Variants in RCOR2 observed in about 807,000 individuals in gnomAD.
The protein encoded by RCOR2 is REST corepressor 2.
Under a neutral mutation model 58.9 loss-of-function variants are expected in RCOR2, and 19 were observed. That is an observed-to-expected ratio of 0.32 (90% CI 0.23 to 0.47). The LOEUF is 0.47. Ranked by LOEUF, RCOR2 falls within the 20% of genes least tolerant of loss-of-function variation. The pLI is 1.00. For missense variants in RCOR2, 590 were observed against 707.9 expected (o/e 0.83, Z 1.89); for synonymous variants, 286 against 278.7 (o/e 1.03, Z -0.26).
rs1941853815 is a variant in RCOR2 at position 63,916,244 on chromosome 11, G to C, written c.127+86C>G. The C allele has an allele frequency of 1.1e-5, 13 of 1,215,510 alleles. No homozygotes were observed. In the East Asian group the frequency reaches 3.3e-4, roughly 31 times the overall value. 75.3% of individuals were successfully genotyped at this position (1,215,510 alleles called of 1,614,324 possible). A position where few individuals can be genotyped will look rare whatever the true frequency, so the allele number is the denominator to read the frequency against. ...GAGGCAGGAGCCATCAGTGTAACAG[G>C]CTCGTGGTCTGCAACTCTTCCCCCT... On this transcript the variant is annotated intron_variant, in intron 1 of 11. Coordinates refer to ENST00000301459, the MANE Select transcript of RCOR2 (RefSeq NM_173587.4).
upstream of RCOR2, among the ~76,000 whole-genome samples, chr11:63,918,975 GCCT>G (rs1941897774): frequency 6.6e-6 from 1 of 152,120 alleles, no homozygotes; most frequent in Admixed American, 6.5e-5. Context: ...CCTCTTCCCC[GCCT>G]CCTAAGAACC....
At chr11:63,925,605 A>G in the RCOR2 span, among the ~76,000 whole-genome samples, 1 of 151,256 alleles carries the variant, frequency 6.6e-6, no homozygotes, top group African/African-American at 2.4e-5. Flanking sequence ...ATCGCTTGAA[A>G]CTAGGAGTTC....
chr11:63,913,941 C>T lies in RCOR2; in HGVS notation c.891+13G>A. ...CCACCTTTGCATAGCCCGTTCATTT[C>T]CCAGGGCCCCACCTGGCGCTTGAGG... On this transcript the variant is annotated intron_variant, in intron 8 of 11. Coordinates refer to ENST00000301459, the MANE Select transcript of RCOR2 (RefSeq NM_173587.4). The T allele has an allele frequency of 6.2e-7, 1 of 1,612,830 alleles. No individual in the cohort carries two copies. The highest frequency in any genetic ancestry group is 8.5e-7 in the Non-Finnish European group (1 of 1,179,416).
Position 63,916,385 on chromosome 11 carries a change from G to A in RCOR2, c.72C>T (p.Pro24=), listed in dbSNP as rs772186664. The change falls in exon 1 of 12, where the codon CCC becomes CCT. Residue 24 remains proline, a synonymous_variant. Transcript: ENST00000301459. ...CCTCCGAGTGGGGCTGTCCGCCGTT[G>A]GGCACCGTCTTGGCCCGGCTACGGG... ...ILSRSRAKTV[P]NGGQPHSEDD... 1.3e-5 allele frequency: 21 copies of A among 1,607,578 alleles called. No individual in the cohort carries two copies. The African/African-American group carries it at 2.7e-4, about 20-fold the overall frequency.
At chr11:63,913,818 A>G (rs574767584) in intron 8 of RCOR2, 136 bp downstream of exon 8, 11 of 845,572 alleles carry the variant, frequency 1.3e-5, no homozygotes, top group East Asian at 1.2e-4. Context: ...CAAAAAGAAC[A>G]CCACATTACT....
the RCOR2 span, among the ~76,000 whole-genome samples, chr11:63,926,458 C>T: frequency 6.6e-6 from 1 of 150,668 alleles, no homozygotes; most frequent in Non-Finnish European, 1.5e-5. Flanking sequence ...GAAGCTCCTC[C>T]TTTCCTTGCT....
In RCOR2 at chr11:63,912,713, G is replaced by A; in HGVS notation, c.990C>T (p.Ser330=). 2.5e-6 allele frequency: 4 copies of A among 1,614,068 alleles called. No individual in the cohort carries two copies. Among genetic ancestry groups the A allele is most frequent in the Non-Finnish European group, 3.4e-6 (4 of 1,180,002 alleles). ...AAAGCTGCTCATCTGTGGTCCAGCG[G>A]GAGTTGAACTTGGTGTTGGCCTGGA... ...RPPEANTKFN[S]RWTTDEQLLA... Residue 330 remains serine (S), a synonymous_variant, in exon 10 of 12, where the codon TCC becomes TCT. Coordinates refer to ENST00000301459, the MANE Select transcript of RCOR2 (RefSeq NM_173587.4).
At chr11:63,915,756 T>C (rs1341136980) in intron 1 of RCOR2, 145 bp from the exon 2 acceptor site, 4 of 714,634 alleles carry the variant, frequency 5.6e-6, no homozygotes, top group Non-Finnish European at 9.9e-6. Context: ...TTTTCCCTCA[T>C]TGTACCCCAG....
Position 63,911,717 on chromosome 11 carries a change from A to C in RCOR2, c.*148T>G. The C allele has an allele frequency of 7.9e-7, 1 of 1,273,270 alleles. No individual in the cohort carries two copies. The highest frequency in any genetic ancestry group is 1.0e-6 in the Non-Finnish European group (1 of 989,524). The allele number at this position is 1,273,270 out of a possible 1,614,324, so 78.9% of individuals were successfully genotyped here. A position where few individuals can be genotyped will look rare whatever the true frequency, so the allele number is the denominator to read the frequency against. On this transcript the variant is annotated 3_prime_UTR_variant, in exon 12 of 12. Coordinates refer to ENST00000301459, the MANE Select transcript of RCOR2 (RefSeq NM_173587.4). Reference sequence around the variant, plus strand: ...GCTGCCAGGAACACATGCAGAACCCAAAGGGCGGGGCTGGGCTGTCCGAAA... The same window carrying C: ...GCTGCCAGGAACACATGCAGAACCCCAAGGGCGGGGCTGGGCTGTCCGAAA...
chr11:63,917,574 C>T (rs1941878817), upstream of RCOR2, among the ~76,000 whole-genome samples: 3 of 152,136 alleles, frequency 2.0e-5, no homozygotes, highest in Admixed American at 2.0e-4. Flanking sequence ...GAACTCCCCG[C>T]CCCCCCTTCC....
In RCOR2 at chr11:63,914,305, C is replaced by T. The variant is rs1358556288; in HGVS notation, c.631G>A (p.Gly211Ser). The T allele has an allele frequency of 6.2e-7, 1 of 1,613,496 alleles. No individual in the cohort carries two copies. The highest frequency in any genetic ancestry group is 8.5e-7 in the Non-Finnish European group (1 of 1,180,012). ...GGATCGGGCTCTCCCTCACTCACGC[C>T]TCCTCGACCCTCTTCGAGCTCATCA... is the stretch of plus-strand genomic sequence containing the variant. The part of the protein sequence containing the change: ...DSDELEEGRG[G>S]VSEGEPDPAD... Residue 211 changes from glycine to serine, a missense_variant, in exon 7 of 12, where the codon GGC becomes AGC. Gly to Ser is a moderately conservative substitution (Grantham distance 56). Around this residue, in one of 3 missense-constraint regions of RCOR2, gnomAD observed 390 missense variants for 478.7 expected, o/e 0.81. Coordinates refer to ENST00000301459, the MANE Select transcript of RCOR2 (RefSeq NM_173587.4).
At position 63,912,882 on chromosome 11, in the gene RCOR2, T is replaced by C; in HGVS notation, c.957A>G (p.Leu319=). The C allele has an allele frequency of 1.2e-6, 2 of 1,613,656 alleles. No individual in the cohort carries two copies. The highest frequency in any genetic ancestry group is 1.1e-5 in the South Asian group (1 of 91,050). Residue 319 remains leucine (L), a synonymous_variant, in exon 9 of 12, where the codon CTA becomes CTG. Transcript: ENST00000301459. ...RQALEGGIDP[L]RPPEANTKFN... ...AGAGCAGCCATACCTCCGGGGGGCG[T>C]AGTGGATCAATACCGCCCTCCAGGG...
At chr11:63,927,576 C>T in the RCOR2 span, among the ~76,000 whole-genome samples, 11 of 152,136 alleles carry the variant, frequency 7.2e-5, no homozygotes, top group Non-Finnish European at 1.6e-4. Flanking sequence ...ACCCCACATA[C>T]CTTTTTATCA....
At chr11:63,923,800 G>C in the RCOR2 span, among the ~76,000 whole-genome samples, 1 of 152,150 alleles carries the variant, frequency 6.6e-6, no homozygotes, top group African/African-American at 2.4e-5. Flanking sequence ...TTGCCTTCTG[G>C]ACTCAGCATC....
At chr11:63,923,150 C>G in the RCOR2 span, among the ~76,000 whole-genome samples, 1 of 152,040 alleles carries the variant, frequency 6.6e-6, no homozygotes, top group Non-Finnish European at 1.5e-5. Flanking sequence ...GCCAACCTCA[C>G]TCCCAGGCTT....
chr11:63,921,744 GC>G (rs35463955), upstream of RCOR2, among the ~76,000 whole-genome samples: 1 of 152,184 alleles, frequency 6.6e-6, no homozygotes, highest in African/African-American at 2.4e-5. Context: ...CCCCAGCAGG[GC>G]CCCCTCTGCC....
chr11:63,924,145 T>C, the RCOR2 span, among the ~76,000 whole-genome samples: 1 of 152,168 alleles, frequency 6.6e-6, no homozygotes, highest in Non-Finnish European at 1.5e-5. Flanking sequence ...CAACCTCTGG[T>C]GATGTGCCCA....
chr11:63,912,629 G>T, intron 10 of RCOR2, 47 bp downstream of exon 10: 1 of 1,604,296 alleles, frequency 6.2e-7, no homozygotes, highest in Non-Finnish European at 8.5e-7. Context: ...TGGAGGGTGG[G>T]GAGATAGATT....
chr11:63,912,156 C>A lies in RCOR2; in HGVS notation c.1281G>T (p.Thr427=). 1 of 1,542,776 alleles carries A rather than the reference C, an allele frequency of 6.5e-7. No individual in the cohort carries two copies. The highest frequency in any genetic ancestry group is 1.2e-5 in the South Asian group (1 of 84,198). The stretch of plus-strand genomic sequence containing the variant: ...CAGGGGGCACTGATCGGGGCACGGA[C>A]GTGGAGACCGATGTAATCTGGACCT... ...DDEVQITSVS[T]SVPRSVPPAP... The change falls in exon 12 of 12, where the codon ACG becomes ACT. Residue 427 remains threonine (T), a synonymous_variant. Coordinates refer to ENST00000301459, the MANE Select transcript of RCOR2 (RefSeq NM_173587.4).
Sources: gnomAD v4.1 joint callset for allele counts (sites outside exome capture counted in the v4.1 genomes callset) on GRCh38, gnomAD v4.1.1 for gene constraint, gnomAD v4.1.1 regional missense constraint, MANE v1.5 for transcripts, NCBI Gene and HGNC (gene_info 2026-07-23, HGNC 2026-07-21) for gene names.